SFRP1: variants seen among roughly 807,000 people sequenced by gnomAD.
The protein encoded by SFRP1 is secreted frizzled related protein 1.
SFRP1 carries 9 observed loss-of-function variants against 25.9 expected under a neutral mutation model. That is an observed-to-expected ratio of 0.35 (90% CI 0.21 to 0.61). SFRP1 has a LOEUF of 0.61. SFRP1 is among the 20% of genes least tolerant of loss of function. SFRP1 has a pLI of 0.78. For synonymous variants in SFRP1, 178 were observed against 174.0 expected (o/e 1.02, Z -0.18); for missense variants, 346 against 418.2 (o/e 0.83, Z 1.51).
chr8:41,299,499 T>TAAAAAAAA (rs576175856), intron 2 of SFRP1, among the ~76,000 whole-genome samples: 17 of 56,068 alleles, frequency 3.0e-4, no homozygotes, highest in African/African-American at 1.4e-3. Context: ...TTCTCCTTTA[T>TAAAAAAAA]AAAAAAAAAA....
chr8:41,268,271 G>A (rs1293070599), intron 2 of SFRP1, among the ~76,000 whole-genome samples: 1 of 152,132 alleles, frequency 6.6e-6, no homozygotes, highest in Non-Finnish European at 1.5e-5. Context: ...AAGGACTCAG[G>A]TTAAGTAACA....
At chr8:41,273,118 A>G (rs1395400669) in intron 2 of SFRP1, among the ~76,000 whole-genome samples, 3 of 152,246 alleles carry the variant, frequency 2.0e-5, no homozygotes, top group African/African-American at 7.2e-5. Context: ...GTTTTAAAAC[A>G]TCATCTCCCA....
chr8:41,276,985 C>G, intron 2 of SFRP1: 1 of 456,318 alleles, frequency 2.2e-6, no homozygotes, highest in African/African-American at 2.0e-5. Context: ...GTCAGCCATC[C>G]AGAATCCTGC....
At chr8:41,284,913 T>G (rs1803679401) in intron 2 of SFRP1, among the ~76,000 whole-genome samples, 1 of 152,218 alleles carries the variant, frequency 6.6e-6, no homozygotes, top group Admixed American at 6.5e-5. Flanking sequence ...GAGTTCACTC[T>G]GCCCTTCTTC....
intron 1 of SFRP1, among the ~76,000 whole-genome samples, chr8:41,305,097 T>C (rs1415512130): frequency 1.3e-5 from 2 of 152,206 alleles, no homozygotes; most frequent in Non-Finnish European, 2.9e-5. Flanking sequence ...AGTGTGACAA[T>C]ATGGAAAGGA....
At chr8:41,272,438 C>T (rs6991734) in intron 2 of SFRP1, among the ~76,000 whole-genome samples, 72,795 of 151,976 alleles carry the variant, frequency 0.48, 17,884 homozygotes, top group African/African-American at 0.59. Context: ...GGCGAAACCC[C>T]GTCTCTACTG....
At chr8:41,293,864 G>A (rs564602173) in intron 2 of SFRP1, among the ~76,000 whole-genome samples, 2 of 151,986 alleles carry the variant, frequency 1.3e-5, no homozygotes, top group African/African-American at 2.4e-5. Context: ...CCTCGACCTC[G>A]CGGGCTCAGA....
chr8:41,282,065 C>A (rs1321501378), intron 2 of SFRP1, among the ~76,000 whole-genome samples: 2 of 152,214 alleles, frequency 1.3e-5, no homozygotes, highest in Non-Finnish European at 2.9e-5. Flanking sequence ...CCTCTCGTCA[C>A]CCTATAGGAC....
intron 2 of SFRP1, among the ~76,000 whole-genome samples, chr8:41,299,984 C>T (rs1230299500): frequency 6.6e-6 from 1 of 152,188 alleles, no homozygotes; most frequent in African/African-American, 2.4e-5. Context: ...CTGCAGGTGC[C>T]GCAGTGACTG....
At chr8:41,307,203 G>C (rs1289505213) in intron 1 of SFRP1, among the ~76,000 whole-genome samples, 2 of 152,208 alleles carry the variant, frequency 1.3e-5, no homozygotes, top group Admixed American at 6.5e-5. Context: ...CGCTCACAAA[G>C]TGCAGATGCA....
rs117089992 is a variant in SFRP1 at position 41,285,617 on chromosome 8, G to A, written c.622+17844C>T. 2.8e-4 allele frequency among the ~76,000 whole-genome samples: 43 copies of A among 152,280 alleles called. No homozygotes were observed. In the East Asian group the frequency reaches 7.6e-3, roughly 27 times the overall value. The stretch of plus-strand genomic sequence containing the variant: ...CAGGGACCCTGAGGCCAGCCCACCT[G>A]GCCTCACTTTTCCCAGGACCACAGT... On this transcript the variant is annotated intron_variant, in intron 2 of 2. Coordinates refer to ENST00000220772, the MANE Select transcript of SFRP1 (RefSeq NM_003012.5).
At position 41,265,120 on chromosome 8, in the gene SFRP1, G is replaced by GCCCCC; in HGVS notation, c.*46_*47insGGGGG. 2 of 160,642 alleles carry GCCCCC rather than the reference G, an allele frequency of 1.2e-5. No homozygotes were observed. The highest frequency in any genetic ancestry group is 1.6e-4 in the South Asian group (1 of 6,282). The allele number at this position is 160,642 out of a possible 1,614,324, so 10.0% of individuals were successfully genotyped here. ...GGGTTCCCGGGGCACTGTCCCCCCC[G>GCCCCC]CTCCCACCCCACCCGAGGCTCCCTC... On this transcript the variant is annotated 3_prime_UTR_variant, in exon 3 of 3. Coordinates refer to ENST00000220772, the MANE Select transcript of SFRP1 (RefSeq NM_003012.5).
intron 2 of SFRP1, among the ~76,000 whole-genome samples, chr8:41,301,889 GGAA>G (rs1432395361): frequency 6.6e-6 from 1 of 152,150 alleles, no homozygotes; most frequent in Non-Finnish European, 1.5e-5. Flanking sequence ...TGCTGCCGTG[GGAA>G]GAAGATGTCC....
In SFRP1 at chr8:41,265,120, G is replaced by GGC; in HGVS notation, c.*46_*47insGC. 2 of 160,640 alleles carry GGC rather than the reference G, an allele frequency of 1.2e-5. No homozygotes were observed. The allele number at this position is 160,640 out of a possible 1,614,324, so 10.0% of individuals were successfully genotyped here. On this transcript the variant is annotated 3_prime_UTR_variant, in exon 3 of 3. Transcript: ENST00000220772. ...GGGTTCCCGGGGCACTGTCCCCCCC[G>GGC]CTCCCACCCCACCCGAGGCTCCCTC...
At chr8:41,282,954 T>C (rs1803653880) in intron 2 of SFRP1, among the ~76,000 whole-genome samples, 1 of 152,244 alleles carries the variant, frequency 6.6e-6, no homozygotes. Flanking sequence ...CCCTATGTTC[T>C]TTCAAGAAGC....
At position 41,265,126 on chromosome 8, in the gene SFRP1, A is replaced by ACC; in HGVS notation, c.*39_*40dup. 5 of 136,966 alleles carry ACC rather than the reference A, an allele frequency of 3.7e-5. No individual in the cohort carries two copies. The highest frequency in any genetic ancestry group is 3.0e-4 in the South Asian group (3 of 10,008). The allele number at this position is 136,966 out of a possible 1,614,324, so 8.5% of individuals were successfully genotyped here. On this transcript the variant is annotated 3_prime_UTR_variant, in exon 3 of 3. Coordinates refer to ENST00000220772, the MANE Select transcript of SFRP1 (RefSeq NM_003012.5). ...CCGGGGCACTGTCCCCCCCGCTCCC[A>ACC]CCCCACCCGAGGCTCCCTCCCCACC...
intron 2 of SFRP1, among the ~76,000 whole-genome samples, chr8:41,296,181 C>A (rs1013020706): frequency 6.6e-6 from 1 of 152,246 alleles, no homozygotes; most frequent in Non-Finnish European, 1.5e-5. Flanking sequence ...AGACCCCATA[C>A]ACAGCAAAGC....
In SFRP1 at chr8:41,309,139, C is replaced by G. The variant is rs1234845666; in HGVS notation, c.21G>C (p.Glu7Asp). The G allele has an allele frequency of 2.8e-6, 4 of 1,426,330 alleles. No homozygotes were observed. The East Asian group carries it at 8.4e-5, about 30-fold the overall frequency. 88.4% of individuals were successfully genotyped at this position (1,426,330 alleles called of 1,614,324 possible). ...CCAGGGCTGCCCCGCGGCGGCCCCCCTCGCTGCGCCCGATGCCCATGCCGG... is the reference window on the plus strand; with the variant it reads ...CCAGGGCTGCCCCGCGGCGGCCCCCGTCGCTGCGCCCGATGCCCATGCCGG... MGIGRS[E>D]GGRRGAALGV... Residue 7 changes from glutamate (E) to aspartate (D), a missense_variant, in exon 1 of 3, where the codon GAG becomes GAC. Glu to Asp is a conservative substitution (Grantham distance 45, BLOSUM62 2). Transcript: ENST00000220772.
At chr8:41,295,167 C>T (rs894134604) in intron 2 of SFRP1, among the ~76,000 whole-genome samples, 2 of 152,168 alleles carry the variant, frequency 1.3e-5, no homozygotes, top group Non-Finnish European at 2.9e-5. Flanking sequence ...TCAAGACCAG[C>T]CTGGCCAACA....
Sources: gnomAD v4.1 joint callset for allele counts (sites outside exome capture counted in the v4.1 genomes callset) on GRCh38, gnomAD v4.1.1 for gene constraint, MANE v1.5 for transcripts, NCBI Gene and HGNC (gene_info 2026-07-23, HGNC 2026-07-21) for gene names.